TM2D1: variants seen among roughly 807,000 people sequenced by gnomAD.
The protein encoded by TM2D1 is TM2 domain-containing protein 1.
TM2D1 carries 15 observed loss-of-function variants against 28.4 expected under a neutral mutation model. The observed-to-expected ratio is 0.53, with a 90% CI of 0.35 to 0.81. TM2D1 has a LOEUF of 0.81. Ranked by LOEUF, TM2D1 falls within the 40% of genes least tolerant of loss-of-function variation. The pLI is 0.01. For missense variants in TM2D1, 236 were observed against 254.9 expected (o/e 0.93, Z 0.50); for synonymous variants, 93 against 96.2 (o/e 0.97, Z 0.20).
chr1:61,689,584 G>A (rs1644309331), intron 5 of TM2D1, among the ~76,000 whole-genome samples: 2 of 152,046 alleles, frequency 1.3e-5, no homozygotes, highest in African/African-American at 4.8e-5. Flanking sequence ...TGTTGCCCAC[G>A]CTGGTCTCAA....
At chr1:61,713,813 T>C (rs1357720611) in intron 2 of TM2D1, among the ~76,000 whole-genome samples, 4 of 152,018 alleles carry the variant, frequency 2.6e-5, no homozygotes, top group Non-Finnish European at 5.9e-5. Context: ...CAATATACCT[T>C]GCCTAACAGA....
At chr1:61,719,666 AT>A (rs552907922) in intron 2 of TM2D1, among the ~76,000 whole-genome samples, 1 of 151,048 alleles carries the variant, frequency 6.6e-6, no homozygotes, top group Non-Finnish European at 1.5e-5. Context: ...CTAATTTTGT[AT>A]TTTTTTTAGT....
intron 2 of TM2D1, among the ~76,000 whole-genome samples, chr1:61,720,921 A>G (rs1260019615): frequency 6.6e-6 from 1 of 152,004 alleles, no homozygotes; most frequent in Non-Finnish European, 1.5e-5. Context: ...CCCAAACATT[A>G]GTTTATGAAA....
rs763380009 is a variant in TM2D1 at position 61,700,935 on chromosome 1, C to T, written c.438G>A (p.Leu146=). ...ADRFYLGYPA[L]GLLKFCTVGF... is the part of the protein sequence containing the mutation. Reference sequence around the variant, plus strand: ...TTTTTTTTAATGAAACATACGCACCCAAAGCAGGGTATCCAAGGTAAAATC... The same window carrying T: ...TTTTTTTTAATGAAACATACGCACCTAAAGCAGGGTATCCAAGGTAAAATC... Residue 146 remains leucine, a splice_region_variant and synonymous_variant, in exon 4 of 7, where the codon TTG becomes TTA. Transcript: ENST00000606498. 9 of 1,605,054 alleles carry T rather than the reference C, an allele frequency of 5.6e-6. No homozygotes were observed. The South Asian group carries it at 7.9e-5, about 14-fold the overall frequency.
intron 5 of TM2D1, among the ~76,000 whole-genome samples, chr1:61,687,690 G>A (rs978158597): frequency 3.4e-5 from 5 of 145,762 alleles, no homozygotes; most frequent in Admixed American, 2.1e-4. Flanking sequence ...CAAATGTAAT[G>A]AATGAAGAAG....
At chr1:61,691,987 AGT>A (rs1343844901) in intron 5 of TM2D1, among the ~76,000 whole-genome samples, 1 of 140,110 alleles carries the variant, frequency 7.1e-6, no homozygotes, top group Non-Finnish European at 1.6e-5. Context: ...CAAAATAATG[AGT>A]GTCTTTAAAT....
At chr1:61,691,385 C>A (rs1644322978) in intron 5 of TM2D1, among the ~76,000 whole-genome samples, 1 of 149,430 alleles carries the variant, frequency 6.7e-6, no homozygotes, top group African/African-American at 2.5e-5. Flanking sequence ...ATCCCAGCTA[C>A]TTGGGAGACT....
At chr1:61,697,529 T>C (rs559430766) in intron 4 of TM2D1, 29 of 141,898 alleles carry the variant, frequency 2.0e-4, no homozygotes, top group African/African-American at 7.0e-4. Flanking sequence ...AACAGCTTTA[T>C]TGAGTTATAA....
intron 2 of TM2D1, among the ~76,000 whole-genome samples, chr1:61,715,432 G>C (rs1644509283): frequency 6.6e-6 from 1 of 151,836 alleles, no homozygotes; most frequent in South Asian, 2.1e-4. Context: ...TGGATCACTT[G>C]AGTCCAGGAA....
intron 5 of TM2D1, among the ~76,000 whole-genome samples, chr1:61,684,608 C>T (rs1644270158): frequency 6.6e-6 from 1 of 152,164 alleles, no homozygotes; most frequent in Non-Finnish European, 1.5e-5. Context: ...TTTCCAATAA[C>T]ATTTTACATC....
At chr1:61,711,026 C>T (rs1439984818) in intron 2 of TM2D1, among the ~76,000 whole-genome samples, 1 of 152,076 alleles carries the variant, frequency 6.6e-6, no homozygotes, top group Non-Finnish European at 1.5e-5. Flanking sequence ...AAACTGAGAA[C>T]CATTTTAATA....
chr1:61,699,967 G>T, intron 4 of TM2D1: 1 of 547,934 alleles, frequency 1.8e-6, no homozygotes, highest in South Asian at 5.9e-5. Context: ...TCTTTTGTGG[G>T]TAGCAACATG....
chr1:61,692,330 A>G (rs1466271453), intron 5 of TM2D1, among the ~76,000 whole-genome samples: 3 of 152,090 alleles, frequency 2.0e-5, no homozygotes, highest in Non-Finnish European at 4.4e-5. Context: ...TAACTAGACT[A>G]CAGTATGTTT....
rs569208002 is a variant in TM2D1, at chr1:61,714,547, A to C, written c.239-5110T>G. ...CACAGCAAGACTCTGTCCAAAAAAA[A>C]CTAAAGAGCCCTTTCTTTCGCTTTA... is the stretch of plus-strand genomic sequence containing the variant. On this transcript the variant is annotated intron_variant, in intron 2 of 6. Coordinates refer to ENST00000606498, the MANE Select transcript of TM2D1 (RefSeq NM_032027.3). 2.6e-5 allele frequency among the ~76,000 whole-genome samples: 4 copies of C among 152,174 alleles called. No individual in the cohort carries two copies. In the South Asian group the frequency reaches 8.3e-4, roughly 32 times the overall value.
chr1:61,724,845 TC>T (rs1644593326), intron 1 of TM2D1, 111 bp downstream of exon 1: 1 of 1,180,364 alleles, frequency 8.5e-7, no homozygotes, highest in African/African-American at 1.5e-5. Context: ...AAGCCACAGA[TC>T]AGATTATCGT....
chr1:61,699,985 TA>T, intron 4 of TM2D1: 1 of 695,116 alleles, frequency 1.4e-6, no homozygotes. Flanking sequence ...ATGGAAGAAA[TA>T]AGGTTAGCTT....
intron 3 of TM2D1, 66 bp from the exon 4 acceptor site, chr1:61,701,091 A>G: frequency 4.9e-6 from 6 of 1,236,088 alleles, no homozygotes; most frequent in South Asian, 1.3e-5. Flanking sequence ...AAAATTATTA[A>G]CTACTACTTG....
intron 5 of TM2D1, among the ~76,000 whole-genome samples, chr1:61,684,047 A>G (rs1306788779): frequency 6.6e-6 from 1 of 152,220 alleles, no homozygotes; most frequent in Non-Finnish European, 1.5e-5. Flanking sequence ...TGGCCAGGCC[A>G]GGCTGCCTGT....
In TM2D1 at chr1:61,695,748, A is replaced by T. The variant is rs139003318; in HGVS notation, c.440-978T>A. 2.2e-3 allele frequency among the ~76,000 whole-genome samples: 330 copies of T among 152,332 alleles called. 6 individuals are homozygous for T. The East Asian group carries it at 0.055, about 25-fold the overall frequency. On this transcript the variant is annotated intron_variant, in intron 4 of 6. Transcript: ENST00000606498. The stretch of plus-strand genomic sequence containing the variant: ...GACATTAGATGACTTTTTCCCCCAC[A>T]TATAGCAGAATAATGTTGCAAGTAC...
Sources: gnomAD v4.1 joint callset for allele counts (sites outside exome capture counted in the v4.1 genomes callset) on GRCh38, gnomAD v4.1.1 for gene constraint, MANE v1.5 for transcripts, NCBI Gene and HGNC (gene_info 2026-07-23, HGNC 2026-07-21) for gene names.